Variants in THSD7A observed in about 807,000 individuals in gnomAD.
The protein encoded by THSD7A is thrombospondin type-1 domain-containing protein 7A.
In THSD7A, 96 loss-of-function variants were observed where a neutral mutation model predicts 231.3. The ratio of observed to expected loss-of-function variants is 0.41; its 90% CI spans 0.35 to 0.49. The LOEUF (loss-of-function observed/expected upper bound fraction) is 0.49. Among genes scored for constraint, THSD7A ranks in the 20% least tolerant of loss-of-function variants. The pLI is 0.05. For synonymous variants in THSD7A, 940 were observed against 743.3 expected (o/e 1.26, Z -4.30); for missense variants, 2,290 against 2,070.2 (o/e 1.11, Z -2.06).
chr7:11,672,094 A>G (rs981384263), intron 1 of THSD7A, among the ~76,000 whole-genome samples: 3 of 152,170 alleles, frequency 2.0e-5, no homozygotes, highest in African/African-American at 7.2e-5. Flanking sequence ...TTGATAAAAT[A>G]TTCCAAAACT....
At chr7:11,442,158 A>T (rs1020019448) in intron 13 of THSD7A, among the ~76,000 whole-genome samples, 7 of 152,028 alleles carry the variant, frequency 4.6e-5, no homozygotes, top group Non-Finnish European at 8.8e-5. Flanking sequence ...ATCAGGATGG[A>T]TGAACTTTTA....
intron 2 of THSD7A, among the ~76,000 whole-genome samples, chr7:11,600,285 A>G (rs534407488): frequency 5.3e-5 from 8 of 152,196 alleles, no homozygotes; most frequent in Non-Finnish European, 1.0e-4. Context: ...ATTCAAGTAC[A>G]TCCACTTTTC....
intron 2 of THSD7A, among the ~76,000 whole-genome samples, chr7:11,600,664 C>T (rs1237721205): frequency 2.0e-5 from 3 of 152,140 alleles, no homozygotes; most frequent in East Asian, 1.9e-4. Context: ...AGGGAGCTCT[C>T]GCCATGAAGA....
At chr7:11,819,871 C>G (rs189611734) in intron 1 of THSD7A, among the ~76,000 whole-genome samples, 1 of 152,250 alleles carries the variant, frequency 6.6e-6, no homozygotes, top group East Asian at 1.9e-4. Context: ...ATGTACCACA[C>G]TAGCGCAAGA....
intron 1 of THSD7A, among the ~76,000 whole-genome samples, chr7:11,707,409 G>T (rs1259722013): frequency 2.0e-5 from 3 of 150,942 alleles, no homozygotes; most frequent in African/African-American, 7.3e-5. Flanking sequence ...TATGCCAAGT[G>T]TGTTGGTTGC....
intron 6 of THSD7A, among the ~76,000 whole-genome samples, chr7:11,512,774 G>C (rs1787866240): frequency 9.7e-6 from 1 of 103,204 alleles, no homozygotes; most frequent in Non-Finnish European, 1.8e-5. Flanking sequence ...ACCCAGGCCT[G>C]TCATGGGGCG....
chr7:11,777,306 TAAAC>T (rs889227568), intron 1 of THSD7A, among the ~76,000 whole-genome samples: 11 of 151,912 alleles, frequency 7.2e-5, no homozygotes, highest in African/African-American at 2.7e-4. Context: ...GCTCACATAT[TAAAC>T]AACACAGAAA....
chr7:11,447,364 G>A lies in THSD7A; in HGVS notation c.2666C>T (p.Ala889Val). Residue 889 changes from alanine (A) to valine (V), a missense_variant, in exon 12 of 28, where the codon GCA (alanine) becomes GTA (valine). Coordinates refer to ENST00000423059, the MANE Select transcript of THSD7A (RefSeq NM_015204.3). ...CTGGGTAAGGGCTGGCACAGGGCCT[G>A]CATACTGTAGGCACTCATGGATTCC... ...QAGIHECLQY[A>V]GPVPALTQAC... 2 of 1,611,202 alleles carry A rather than the reference G, an allele frequency of 1.2e-6. No individual in the cohort carries two copies. Among genetic ancestry groups the A allele is most frequent in the Non-Finnish European group, 1.7e-6 (2 of 1,178,674 alleles).
intron 1 of THSD7A, among the ~76,000 whole-genome samples, chr7:11,665,897 G>A (rs1234582596): frequency 6.6e-6 from 1 of 152,104 alleles, no homozygotes; most frequent in Non-Finnish European, 1.5e-5. Flanking sequence ...ACAACATATA[G>A]TAATGTATGC....
At chr7:11,429,256 G>C (rs940070411) in intron 13 of THSD7A, 131 bp from the exon 14 acceptor site, 9 of 784,974 alleles carry the variant, frequency 1.1e-5, no homozygotes, top group Non-Finnish European at 1.5e-5. Flanking sequence ...AGGTGTCTCT[G>C]TTGTAAGGGA....
chr7:11,461,085 T>G (rs1338914886), intron 10 of THSD7A, among the ~76,000 whole-genome samples: 1 of 152,164 alleles, frequency 6.6e-6, no homozygotes, highest in African/African-American at 2.4e-5. Context: ...TGCATGCCAT[T>G]TAAATAATGT....
chr7:11,522,129 G>T (rs1166786888), intron 6 of THSD7A, among the ~76,000 whole-genome samples: 4 of 152,128 alleles, frequency 2.6e-5, no homozygotes, highest in Admixed American at 6.6e-5. Context: ...CTGTGTGAGG[G>T]AAACTGAAAG....
chr7:11,615,117 TCTCTGG>T (rs1194836433), intron 2 of THSD7A, among the ~76,000 whole-genome samples: 2 of 152,168 alleles, frequency 1.3e-5, no homozygotes, highest in Non-Finnish European at 2.9e-5. Flanking sequence ...AGACTACATA[TCTCTGG>T]CTCCCTTGCA....
chr7:11,480,269 G>A (rs1044304240), intron 7 of THSD7A, among the ~76,000 whole-genome samples: 1 of 152,168 alleles, frequency 6.6e-6, no homozygotes, highest in African/African-American at 2.4e-5. Context: ...TCCGTGTGAA[G>A]CATCATGTCT....
chr7:11,770,189 CTATTA>C (rs1278462661), intron 1 of THSD7A, among the ~76,000 whole-genome samples: 1 of 151,998 alleles, frequency 6.6e-6, no homozygotes, highest in Non-Finnish European at 1.5e-5. Flanking sequence ...GAATCACCCT[CTATTA>C]TATTTAAAGA....
intron 2 of THSD7A, among the ~76,000 whole-genome samples, chr7:11,631,382 T>TA (rs1250844500): frequency 1.3e-5 from 2 of 152,194 alleles, no homozygotes; most frequent in African/African-American, 4.8e-5. Flanking sequence ...TACTTCCTCA[T>TA]GTTTAATTCC....
intron 1 of THSD7A, among the ~76,000 whole-genome samples, chr7:11,744,674 T>G (rs754746778): frequency 6.8e-6 from 1 of 146,076 alleles, no homozygotes; most frequent in African/African-American, 2.5e-5. Flanking sequence ...TTCCCACCTA[T>G]GAGTGAGAAC....
chr7:11,658,845 T>G (rs1782808329), intron 1 of THSD7A, among the ~76,000 whole-genome samples: 1 of 151,676 alleles, frequency 6.6e-6, no homozygotes, highest in South Asian at 2.1e-4. Context: ...TTGTTTCTCT[T>G]GAAAAGAAAA....
chr7:11,713,568 T>C (rs1251024089), intron 1 of THSD7A, among the ~76,000 whole-genome samples: 1 of 151,184 alleles, frequency 6.6e-6, no homozygotes, highest in African/African-American at 2.4e-5. Flanking sequence ...AGAGTAAAAG[T>C]CCGAACTTTA....
Sources: gnomAD v4.1 joint callset for allele counts (sites outside exome capture counted in the v4.1 genomes callset) on GRCh38, gnomAD v4.1.1 for gene constraint, MANE v1.5 for transcripts, NCBI Gene and HGNC (gene_info 2026-07-23, HGNC 2026-07-21) for gene names.